LIFR: variants seen among roughly 807,000 people sequenced by gnomAD.
LIFR encodes leukemia inhibitory factor receptor.
A neutral mutation model predicts 122.2 loss-of-function variants in LIFR; 84 were observed. That is an observed-to-expected ratio of 0.69 (90% CI 0.58 to 0.82). LIFR has a LOEUF of 0.82. Ranked by LOEUF, LIFR falls within the 40% of genes least tolerant of loss-of-function variation. LIFR has a pLI of 0.00. For synonymous variants in LIFR, 422 were observed against 434.7 expected (o/e 0.97, Z 0.36); for missense variants, 1,294 against 1,311.6 (o/e 0.99, Z 0.21).
At chr5:38,537,518 G>T (rs985602507) in intron 1 of LIFR, among the ~76,000 whole-genome samples, 1 of 152,080 alleles carries the variant, frequency 6.6e-6, no homozygotes, top group Non-Finnish European at 1.5e-5. Flanking sequence ...CCCTTTTAAC[G>T]ATGAAGTGCT....
At chr5:38,557,281 G>A (rs1222357046), upstream of LIFR, 7 of 152,170 alleles carry the variant, frequency 4.6e-5, no homozygotes, top group Non-Finnish European at 1.0e-4. Flanking sequence ...GGGCTTATTT[G>A]TGCGGAGAAG....
At chr5:38,539,349 C>G (rs1747461953) in intron 1 of LIFR, among the ~76,000 whole-genome samples, 2 of 152,122 alleles carry the variant, frequency 1.3e-5, no homozygotes, top group Non-Finnish European at 1.5e-5. Flanking sequence ...TTGTTCTTAT[C>G]ATACCAGGTA....
chr5:38,540,239 T>A (rs1262792730), intron 1 of LIFR, among the ~76,000 whole-genome samples: 2 of 152,168 alleles, frequency 1.3e-5, no homozygotes, highest in Non-Finnish European at 2.9e-5. Flanking sequence ...TTAAGTATCA[T>A]AAGAAACTTA....
rs550892445 is a variant in LIFR at position 38,605,647 on chromosome 5, A to C, written n.305+558T>G. On this transcript the variant is annotated intron_variant and non_coding_transcript_variant, in intron 2 of 3. Coordinates refer to the LIFR transcript ENST00000507786. Reference sequence around the variant, plus strand: ...TTCCTAAAAAAAGATACCTGCTAAGATAAAAAAAGCTACATACCTTCCTCA... The same window carrying C: ...TTCCTAAAAAAAGATACCTGCTAAGCTAAAAAAAGCTACATACCTTCCTCA... Among the ~76,000 whole-genome samples, 11 of 152,332 alleles carry C rather than the reference A, an allele frequency of 7.2e-5. 1 individual carries two copies. The highest frequency in any genetic ancestry group is 5.9e-4 in the Admixed American group (9 of 15,302).
chr5:38,517,856 CAAAAAAAAAAA>C (rs572954936), intron 5 of LIFR, among the ~76,000 whole-genome samples: 8 of 15,044 alleles, frequency 5.3e-4, no homozygotes, highest in African/African-American at 4.4e-4. Flanking sequence ...GACACTGTCT[CAAAAAAAAAAA>C]AAAAAAAAAA....
At chr5:38,544,831 C>T (rs535438188) in intron 1 of LIFR, among the ~76,000 whole-genome samples, 8 of 152,028 alleles carry the variant, frequency 5.3e-5, no homozygotes, top group South Asian at 2.1e-4. Context: ...TCCTCTTCAG[C>T]GCTATAGCCC....
upstream of LIFR, among the ~76,000 whole-genome samples, chr5:38,560,011 T>A (rs1748772071): frequency 6.6e-6 from 1 of 152,210 alleles, no homozygotes. Flanking sequence ...AACAGATCAA[T>A]TACTCACAGA....
chr5:38,604,652 G>A (rs1750289563), intron 2 of LIFR, among the ~76,000 whole-genome samples: 1 of 151,814 alleles, frequency 6.6e-6, no homozygotes. Context: ...AGTGAGCCGA[G>A]ATTGCGCCGT....
chr5:38,507,940 A>G (rs988825878), intron 7 of LIFR, among the ~76,000 whole-genome samples: 1 of 152,208 alleles, frequency 6.6e-6, no homozygotes, highest in African/African-American at 2.4e-5. Context: ...TAAGTAAACA[A>G]ACATTGACAT....
At chr5:38,491,656 C>T (rs1427235414) in intron 14 of LIFR, among the ~76,000 whole-genome samples, 1 of 152,218 alleles carries the variant, frequency 6.6e-6, no homozygotes, top group Non-Finnish European at 1.5e-5. Context: ...GGCCTACAGG[C>T]TCCAATTTGA....
Position 38,484,782 on chromosome 5 carries a change from G to A in LIFR, c.2584C>T (p.Arg862Ter), listed in dbSNP as rs1436005137. 4 of 1,607,758 alleles carry A rather than the reference G, an allele frequency of 2.5e-6. No homozygotes were observed. The highest frequency in any genetic ancestry group is 1.7e-5 in the Admixed American group (1 of 59,972). ...TAAATGCAGAACTATTACCATTCTC[G>A]TTTCCGATAGCAAAGGATACTTGTC... ...VVTSILCYRK[R>*]EWIKETFYPD... Residue 862 changes from arginine (R) to a stop codon, truncating the protein, a stop_gained, in exon 18 of 20, where the codon CGA (arginine) becomes TGA (stop). Transcript: ENST00000453190. LOFTEE classifies it high-confidence loss of function.
chr5:38,499,605 T>G (rs757085737), intron 11 of LIFR, 22 bp from the exon 12 acceptor site: 1 of 1,523,360 alleles, frequency 6.6e-7, no homozygotes, highest in Non-Finnish European at 9.1e-7. Context: ...ATTTTAAAGT[T>G]AATATCTGAA....
chr5:38,579,244 A>C (rs541916275), intron 1 of LIFR: 1 of 152,332 alleles, frequency 6.6e-6, no homozygotes, highest in African/African-American at 2.4e-5. Flanking sequence ...TGGCTCTTCG[A>C]GTGTCTGATA....
upstream of LIFR, among the ~76,000 whole-genome samples, chr5:38,560,884 C>T (rs1748812628): frequency 6.6e-6 from 1 of 152,146 alleles, no homozygotes; most frequent in Admixed American, 6.5e-5. Flanking sequence ...GCATGAGCCA[C>T]CACGCCCAGC....
chr5:38,545,032 G>A (rs897518480), intron 1 of LIFR, among the ~76,000 whole-genome samples: 2 of 152,210 alleles, frequency 1.3e-5, no homozygotes, highest in African/African-American at 4.8e-5. Context: ...CACTTTGGGA[G>A]GCTGAAGCCT....
intron 15 of LIFR, among the ~76,000 whole-genome samples, chr5:38,489,778 A>T (rs948684321): frequency 4.6e-5 from 7 of 151,086 alleles, no homozygotes; most frequent in Admixed American, 2.7e-4. Context: ...GGATCGTTTG[A>T]GCCCAGGAAT....
At chr5:38,508,919 T>C (rs1277085977) in intron 7 of LIFR, among the ~76,000 whole-genome samples, 2 of 152,144 alleles carry the variant, frequency 1.3e-5, no homozygotes, top group Admixed American at 1.3e-4. Context: ...AAATGGTGGC[T>C]TAACAGGATA....
At chr5:38,573,092 C>T (rs115734760) in intron 1 of LIFR, among the ~76,000 whole-genome samples, 240 of 152,340 alleles carry the variant, frequency 1.6e-3, no homozygotes, top group Non-Finnish European at 2.6e-3. Flanking sequence ...AGAGTCAAGT[C>T]ACACTAATCA....
intron 11 of LIFR, among the ~76,000 whole-genome samples, 165 bp from the exon 12 acceptor site, chr5:38,499,748 T>G (rs1745079464): frequency 6.6e-6 from 1 of 152,076 alleles, no homozygotes; most frequent in Non-Finnish European, 1.5e-5. Context: ...CTCAACAACT[T>G]TTGCAAAACA....
Sources: allele counts gnomAD v4.1 joint callset (sites outside exome capture counted in the v4.1 genomes callset), GRCh38; gene constraint gnomAD v4.1.1; transcripts MANE v1.5; gene names NCBI Gene and HGNC (gene_info 2026-07-23, HGNC 2026-07-21).